The following LARGE1 variants were observed in gnomAD, a reference collection of about 807,000 sequenced individuals.
The protein encoded by LARGE1 is LARGE xylosyl- and glucuronyltransferase 1, also known as xylosyl- and glucuronyltransferase LARGE1.
A neutral mutation model predicts 87.6 loss-of-function variants in LARGE1; 43 were observed. The ratio of observed to expected loss-of-function variants is 0.49; its 90% confidence interval spans 0.38 to 0.63. LARGE1 has a LOEUF of 0.63. Among genes scored for constraint, LARGE1 ranks in the 30% least tolerant of loss-of-function variants. The pLI is 0.00. For synonymous variants in LARGE1, 434 were observed against 394.6 expected, an observed-to-expected ratio of 1.10 and a Z score of -1.18; for missense variants, 802 against 1,000.2, an observed-to-expected ratio of 0.80 and a Z score of 2.67.
At chr22:33,194,795 C>T (rs1923980127) in intron 11 of LARGE1, among the ~76,000 whole-genome samples, 1 of 152,144 alleles carries the variant, frequency 6.6e-6, no homozygotes, top group South Asian at 2.1e-4. Flanking sequence ...CGTAATCTTA[C>T]AGAAAGGGGA....
intron 1 of LARGE1, among the ~76,000 whole-genome samples, chr22:33,876,910 T>C (rs913633031): frequency 2.0e-5 from 3 of 149,918 alleles, no homozygotes; most frequent in African/African-American, 7.4e-5. Context: ...CCTTTATGAC[T>C]GTCCTCGGCT....
chr22:33,552,849 C>T (rs897483763), intron 6 of LARGE1, among the ~76,000 whole-genome samples: 1 of 152,122 alleles, frequency 6.6e-6, no homozygotes, highest in Non-Finnish European at 1.5e-5. Flanking sequence ...TGACAAAACA[C>T]CTGCAAAATA....
chr22:33,843,077 C>G (rs2063328820), intron 1 of LARGE1, among the ~76,000 whole-genome samples: 1 of 152,182 alleles, frequency 6.6e-6, no homozygotes, highest in African/African-American at 2.4e-5. Context: ...GGAAGACATC[C>G]TTTTCATCCT....
intron 11 of LARGE1, among the ~76,000 whole-genome samples, chr22:33,173,261 G>A (rs1411267031): frequency 6.6e-6 from 1 of 152,118 alleles, no homozygotes; most frequent in African/African-American, 2.4e-5. Flanking sequence ...ACGAAACTAA[G>A]CTTCATAAGC....
At chr22:33,591,315 T>C (rs1409792320) in intron 5 of LARGE1, among the ~76,000 whole-genome samples, 1 of 152,236 alleles carries the variant, frequency 6.6e-6, no homozygotes, top group Non-Finnish European at 1.5e-5. Flanking sequence ...ACACTTTGTA[T>C]TGTGAGTCCT....
intron 11 of LARGE1, among the ~76,000 whole-genome samples, chr22:33,202,115 AAAAG>A (rs1184092431): frequency 6.6e-6 from 1 of 151,934 alleles, no homozygotes; most frequent in Non-Finnish European, 1.5e-5. Context: ...TAAAAAAAAA[AAAAG>A]AATCATTCTG....
chr22:33,576,179 G>A (rs908687068), intron 5 of LARGE1, among the ~76,000 whole-genome samples: 1 of 152,200 alleles, frequency 6.6e-6, no homozygotes, highest in Admixed American at 6.5e-5. Context: ...ACTTAGCACA[G>A]TGTCTGACAC....
At chr22:33,734,162 A>C (rs533942299) in intron 2 of LARGE1, among the ~76,000 whole-genome samples, 1 of 152,320 alleles carries the variant, frequency 6.6e-6, no homozygotes, top group Admixed American at 6.5e-5. Context: ...CTGCACAAGG[A>C]CACAGTCAAA....
intron 4 of LARGE1, among the ~76,000 whole-genome samples, chr22:33,621,599 A>G (rs1350330736): frequency 1.3e-5 from 2 of 152,282 alleles, no homozygotes; most frequent in East Asian, 1.9e-4. Context: ...AAGGTACTTC[A>G]TTTGTCAATG....
intron 5 of LARGE1, among the ~76,000 whole-genome samples, chr22:33,587,734 GAT>G (rs540229904): frequency 0.021 from 1,962 of 93,640 alleles, 36 homozygotes; most frequent in African/African-American, 0.11. Context: ...TTTCCTTTAA[GAT>G]TTTTTTTTTT....
the LARGE1 span, among the ~76,000 whole-genome samples, chr22:33,113,879 T>C: frequency 0.015 from 2,305 of 152,052 alleles, 23 homozygotes; most frequent in Non-Finnish European, 0.022. Context: ...TTTTCTTTTT[T>C]TTTTTTTTTG....
intron 2 of LARGE1, among the ~76,000 whole-genome samples, chr22:33,697,365 G>C (rs758742358): frequency 6.6e-6 from 1 of 151,874 alleles, no homozygotes; most frequent in Non-Finnish European, 1.5e-5. Context: ...TCTCACCTTT[G>C]TCTCTAGCCT....
chr22:33,453,102 C>T (rs1437071168), intron 6 of LARGE1, among the ~76,000 whole-genome samples: 1 of 152,154 alleles, frequency 6.6e-6, no homozygotes, highest in East Asian at 1.9e-4. Context: ...GTTTGTAGTG[C>T]TAAAGCTAAG....
intron 1 of LARGE1, among the ~76,000 whole-genome samples, chr22:33,880,702 T>C (rs919445697): frequency 1.3e-5 from 2 of 152,160 alleles, no homozygotes; most frequent in African/African-American, 4.8e-5. Context: ...GACGTTTTCA[T>C]CTGAATCTTC....
intron 7 of LARGE1, among the ~76,000 whole-genome samples, chr22:33,421,676 T>C (rs1467707250): frequency 1.3e-5 from 2 of 152,210 alleles, no homozygotes; most frequent in African/African-American, 2.4e-5. Flanking sequence ...AGAACAATCC[T>C]TTCTATGGTA....
At chr22:33,329,829 A>G (rs1056242773) in intron 10 of LARGE1, among the ~76,000 whole-genome samples, 1 of 152,132 alleles carries the variant, frequency 6.6e-6, no homozygotes, top group African/African-American at 2.4e-5. Flanking sequence ...AAATTCCCTT[A>G]GGTGGAGCAA....
At chr22:33,155,173 T>C in the LARGE1 span, among the ~76,000 whole-genome samples, 1 of 152,048 alleles carries the variant, frequency 6.6e-6, no homozygotes, top group African/African-American at 2.4e-5. Context: ...GTACCAAGAG[T>C]GGGGTGCTGC....
Position 33,469,868 on chromosome 22 carries a change from T to C in LARGE1, c.788-37603A>G, listed in dbSNP as rs1244443529. On this transcript the variant is annotated intron_variant, in intron 6 of 14. Coordinates refer to ENST00000397394, the MANE Select transcript of LARGE1 (RefSeq NM_133642.5). ...AAAACAAAAAACAAAAAACCATCTATTGGGTGCTATGTTTACTCTTTTTTT... is the reference window on the plus strand; with the variant it reads ...AAAACAAAAAACAAAAAACCATCTACTGGGTGCTATGTTTACTCTTTTTTT... Among the ~76,000 whole-genome samples, 12 of 117,126 alleles carry C rather than the reference T, an allele frequency of 1.0e-4. No homozygotes were observed. In the East Asian group the frequency reaches 3.3e-3, roughly 32 times the overall value. The allele number at this position is 117,126 out of a possible 152,430, so 76.8% of individuals were successfully genotyped here.
chr22:33,077,665 A>G, the LARGE1 span, among the ~76,000 whole-genome samples: 2 of 152,210 alleles, frequency 1.3e-5, no homozygotes, highest in Non-Finnish European at 2.9e-5. Flanking sequence ...TCCAATCAGT[A>G]CAATTAGCAT....
Sources: allele counts gnomAD v4.1 joint callset (sites outside exome capture counted in the v4.1 genomes callset), GRCh38; gene constraint gnomAD v4.1.1; transcripts MANE v1.5; gene names NCBI Gene and HGNC (gene_info 2026-07-23, HGNC 2026-07-21).